The following MYO3B variants were observed in gnomAD, a reference collection of about 807,000 sequenced individuals.
MYO3B encodes myosin-IIIb.
A neutral mutation model predicts 174.6 loss-of-function variants in MYO3B; 156 were observed. The observed-to-expected ratio is 0.89, with a 90% CI of 0.78 to 1.02. The LOEUF (loss-of-function observed/expected upper bound fraction) is 1.02. Ranked by LOEUF, MYO3B falls within the 50% of genes least tolerant of loss-of-function variation. The pLI, the probability that MYO3B is intolerant of heterozygous loss-of-function variation, is 0.00. For missense variants in MYO3B, 1,632 were observed against 1,639.4 expected, an observed-to-expected ratio of 1.00 and a Z score of 0.08; for synonymous variants, 563 against 569.1, an observed-to-expected ratio of 0.99 and a Z score of 0.15.
At chr2:170,481,071 A>G (rs1406383344) in intron 25 of MYO3B, among the ~76,000 whole-genome samples, 1 of 152,226 alleles carries the variant, frequency 6.6e-6, no homozygotes, top group African/African-American at 2.4e-5. Flanking sequence ...AGACATCTCG[A>G]GAAAGGCTGA....
chr2:170,247,581 C>A (rs1278287631), intron 7 of MYO3B, among the ~76,000 whole-genome samples: 1 of 152,160 alleles, frequency 6.6e-6, no homozygotes, highest in African/African-American at 2.4e-5. Flanking sequence ...CTGACTTAGA[C>A]TGGGTAGCTT....
chr2:170,400,037 C>T, intron 16 of MYO3B, 151 bp from the exon 17 acceptor site: 1 of 955,380 alleles, frequency 1.0e-6, no homozygotes, highest in East Asian at 2.4e-5. Context: ...CGACCTCTAA[C>T]TGCAAAGAAG....
intron 13 of MYO3B, 144 bp downstream of exon 13, chr2:170,386,416 C>T (rs1306274814): frequency 2.8e-5 from 17 of 598,180 alleles, no homozygotes; most frequent in Middle Eastern, 2.7e-4. Context: ...CTCCTGATAG[C>T]GAGGCCTCTT....
At chr2:170,458,341 C>T (rs1684033470) in intron 23 of MYO3B, among the ~76,000 whole-genome samples, 1 of 152,182 alleles carries the variant, frequency 6.6e-6, no homozygotes, top group Non-Finnish European at 1.5e-5. Flanking sequence ...ACTTCTATGG[C>T]ACATGAGTGT....
At chr2:170,269,163 C>T (rs957964634) in intron 7 of MYO3B, among the ~76,000 whole-genome samples, 1 of 152,076 alleles carries the variant, frequency 6.6e-6, no homozygotes, top group Non-Finnish European at 1.5e-5. Flanking sequence ...AGTGTGAGCC[C>T]GGCATTTAAA....
intron 5 of MYO3B, 59 bp downstream of exon 5, chr2:170,214,887 T>G (rs183976488): frequency 7.8e-7 from 1 of 1,289,556 alleles, no homozygotes; most frequent in Admixed American, 1.7e-5. Context: ...AGGGGACAAT[T>G]TATTGCAATC....
chr2:170,527,770 C>A, intron 30 of MYO3B, among the ~76,000 whole-genome samples: 1 of 152,138 alleles, frequency 6.6e-6, no homozygotes, highest in Non-Finnish European at 1.5e-5. Context: ...GAGAATAAAC[C>A]ATAGGAAACG....
chr2:170,606,528 A>G (rs1481689259), intron 32 of MYO3B, among the ~76,000 whole-genome samples: 3 of 152,204 alleles, frequency 2.0e-5, no homozygotes, highest in South Asian at 4.1e-4. Flanking sequence ...GCCTGCAATT[A>G]TTGTTTATAG....
chr2:170,266,953 T>C (rs1181854355), intron 7 of MYO3B, among the ~76,000 whole-genome samples: 2 of 152,178 alleles, frequency 1.3e-5, no homozygotes, highest in East Asian at 3.8e-4. Context: ...GTAATTAGAA[T>C]ACATAAATAA....
intron 25 of MYO3B, among the ~76,000 whole-genome samples, chr2:170,482,062 G>A (rs1685722242): frequency 6.6e-6 from 1 of 152,108 alleles, no homozygotes; most frequent in Admixed American, 6.6e-5. Context: ...TTGAATCATG[G>A]GGGCACATCT....
chr2:170,428,494 A>G (rs533556738), intron 22 of MYO3B, among the ~76,000 whole-genome samples: 6 of 152,274 alleles, frequency 3.9e-5, no homozygotes, highest in East Asian at 3.9e-4. Flanking sequence ...TCCAACTTGC[A>G]TCTAGTTATT....
intron 32 of MYO3B, among the ~76,000 whole-genome samples, chr2:170,591,906 C>T (rs1693839131): frequency 6.6e-6 from 1 of 152,212 alleles, no homozygotes; most frequent in East Asian, 1.9e-4. Context: ...GAAGTTCAAC[C>T]ATTTTGCAAT....
chr2:170,586,789 C>T (rs969219745), intron 32 of MYO3B, among the ~76,000 whole-genome samples: 4 of 152,152 alleles, frequency 2.6e-5, no homozygotes, highest in African/African-American at 9.7e-5. Flanking sequence ...TGGCTGGGAG[C>T]CAAATCTAAG....
At chr2:170,440,798 G>GTTT (rs745789992) in intron 22 of MYO3B, among the ~76,000 whole-genome samples, 56 of 99,102 alleles carry the variant, frequency 5.7e-4, no homozygotes, top group South Asian at 7.8e-4. Flanking sequence ...TTGGGTGTTG[G>GTTT]TTTTTTTTTT....
chr2:170,324,949 A>G (rs933479898), intron 7 of MYO3B, among the ~76,000 whole-genome samples: 2 of 152,054 alleles, frequency 1.3e-5, no homozygotes, highest in Non-Finnish European at 2.9e-5. Flanking sequence ...AGGTGGTCTT[A>G]TGCTTGCCAG....
At chr2:170,326,262 T>G (rs924231879) in intron 7 of MYO3B, among the ~76,000 whole-genome samples, 7 of 152,124 alleles carry the variant, frequency 4.6e-5, no homozygotes, top group Non-Finnish European at 1.0e-4. Context: ...CAGAATTTGA[T>G]GATGGAAAAG....
chr2:170,595,465 G>A (rs1235531807), intron 32 of MYO3B, among the ~76,000 whole-genome samples: 1 of 152,074 alleles, frequency 6.6e-6, no homozygotes, highest in African/African-American at 2.4e-5. Context: ...ATGAGACAGA[G>A]TCTCACTCTG....
At position 170,387,314 on chromosome 2, in the gene MYO3B, T is replaced by C; in HGVS notation, c.1577+6T>C. 2 of 1,613,646 alleles carry C rather than the reference T, an allele frequency of 1.2e-6. No homozygotes were observed. The highest frequency in any genetic ancestry group is 8.5e-7 in the Non-Finnish European group (1 of 1,179,604). ...AGAGTTATAAAACAGGCAGCGTAGGTGCACTACTTTATCACTGTGTTTTTG... is the reference window on the plus strand; with the variant it reads ...AGAGTTATAAAACAGGCAGCGTAGGCGCACTACTTTATCACTGTGTTTTTG... On this transcript the variant is annotated splice_donor_region_variant and intron_variant, in intron 14 of 34. Transcript: ENST00000408978.
intron 7 of MYO3B, among the ~76,000 whole-genome samples, chr2:170,278,232 A>G (rs1009611696): frequency 6.6e-6 from 1 of 152,182 alleles, no homozygotes; most frequent in Non-Finnish European, 1.5e-5. Flanking sequence ...TCACCAAGGT[A>G]ACCAGAGCAG....
Sources: gnomAD v4.1 joint callset for allele counts (sites outside exome capture counted in the v4.1 genomes callset) on GRCh38, gnomAD v4.1.1 for gene constraint, MANE v1.5 for transcripts, NCBI Gene and HGNC (gene_info 2026-07-23, HGNC 2026-07-21) for gene names.